SLC8A1: variants seen among roughly 807,000 people sequenced by gnomAD.
SLC8A1 encodes solute carrier family 8 member A1, also known as sodium/calcium exchanger 1.
A neutral mutation model predicts 68.3 loss-of-function variants in SLC8A1; 18 were observed. The ratio of observed to expected loss-of-function variants is 0.26; its 90% CI spans 0.18 to 0.39. The LOEUF is 0.39. Ranked by LOEUF, SLC8A1 falls within the 10% of genes least tolerant of loss-of-function variation. The pLI is 1.00. For missense variants in SLC8A1, 985 were observed against 1,156.7 expected, an observed-to-expected ratio of 0.85 and a Z score of 2.15; for synonymous variants, 475 against 415.5, an observed-to-expected ratio of 1.14 and a Z score of -1.74.
intron 2 of SLC8A1, among the ~76,000 whole-genome samples, chr2:40,221,010 T>G (rs11891508): frequency 0.12 from 18,461 of 152,064 alleles, 1,218 homozygotes; most frequent in Non-Finnish European, 0.13. Context: ...GAGGGACTTC[T>G]CCCTAACTCA....
chr2:40,342,711 C>T (rs1007793430), intron 2 of SLC8A1, among the ~76,000 whole-genome samples: 26 of 152,122 alleles, frequency 1.7e-4, no homozygotes, highest in Admixed American at 9.2e-4. Flanking sequence ...TTGTATTCAA[C>T]GATACTAAAG....
intron 2 of SLC8A1, among the ~76,000 whole-genome samples, chr2:40,199,696 A>G (rs2053763509): frequency 6.6e-6 from 1 of 151,786 alleles, no homozygotes; most frequent in African/African-American, 2.4e-5. Flanking sequence ...CCTCATTTAG[A>G]AAAACACAAT....
intron 2 of SLC8A1, among the ~76,000 whole-genome samples, chr2:40,382,606 AT>A (rs1349273779): frequency 2.6e-5 from 4 of 152,122 alleles, no homozygotes; most frequent in African/African-American, 9.7e-5. Context: ...GAAGACAATT[AT>A]AAAAGACTGG....
intron 2 of SLC8A1, among the ~76,000 whole-genome samples, chr2:40,307,723 T>A (rs1005785873): frequency 1.3e-5 from 2 of 152,154 alleles, no homozygotes. Flanking sequence ...ACACACTTTG[T>A]TCACAGACAG....
chr2:40,430,115 T>C, exon 2 of SLC8A1: 1 of 1,613,812 alleles, frequency 6.2e-7, no homozygotes, highest in Non-Finnish European at 8.5e-7. Flanking sequence ...ACCCCTTTCT[T>C]ACAGTAATAT....
At chr2:40,490,510 G>A (rs1215905133) in intron 1 of SLC8A1, among the ~76,000 whole-genome samples, 1 of 152,024 alleles carries the variant, frequency 6.6e-6, no homozygotes, top group African/African-American at 2.4e-5. Flanking sequence ...ATTTCAATAA[G>A]TTTCGAGGAA....
intron 2 of SLC8A1, among the ~76,000 whole-genome samples, chr2:40,396,079 A>T (rs1276535330): frequency 6.6e-6 from 1 of 152,148 alleles, no homozygotes; most frequent in Non-Finnish European, 1.5e-5. Flanking sequence ...ACTTCCTGAA[A>T]ACTTGAATGT....
At chr2:40,212,149 T>A (rs1300774489) in intron 2 of SLC8A1, among the ~76,000 whole-genome samples, 1 of 152,094 alleles carries the variant, frequency 6.6e-6, no homozygotes, top group African/African-American at 2.4e-5. Flanking sequence ...GATTTCAATA[T>A]GGCCCAGAGA....
chr2:40,236,094 G>A (rs2060328865), intron 2 of SLC8A1, among the ~76,000 whole-genome samples: 1 of 152,128 alleles, frequency 6.6e-6, no homozygotes, highest in African/African-American at 2.4e-5. Context: ...GGGGTGGACA[G>A]TTCTGTAGAT....
At chr2:40,493,308 A>G (rs1705446525) in intron 1 of SLC8A1, among the ~76,000 whole-genome samples, 1 of 129,728 alleles carries the variant, frequency 7.7e-6, no homozygotes, top group Non-Finnish European at 1.6e-5. Context: ...GAACACATGG[A>G]CACAGGAAGG....
chr2:40,349,593 A>G (rs1670421305), intron 2 of SLC8A1, among the ~76,000 whole-genome samples: 1 of 152,120 alleles, frequency 6.6e-6, no homozygotes, highest in Admixed American at 6.6e-5. Flanking sequence ...TCACAGGGTT[A>G]TTGTGAGGCT....
chr2:40,299,311 G>C (rs982976286), intron 2 of SLC8A1, among the ~76,000 whole-genome samples: 3 of 152,162 alleles, frequency 2.0e-5, no homozygotes, highest in African/African-American at 7.2e-5. Context: ...TAAGTGATCT[G>C]CCTGCATTCT....
At chr2:40,287,582 A>ATGTGTGTGTGTGGGTG (rs1553475922) in intron 2 of SLC8A1, among the ~76,000 whole-genome samples, 4 of 127,576 alleles carry the variant, frequency 3.1e-5, no homozygotes, top group African/African-American at 1.2e-4. Flanking sequence ...CAGAGGAATG[A>ATGTGTGTGTGTGGGTG]TGTGTGTGTG....
At chr2:40,239,893 C>T (rs1272410048) in intron 2 of SLC8A1, among the ~76,000 whole-genome samples, 2 of 152,136 alleles carry the variant, frequency 1.3e-5, no homozygotes, top group Non-Finnish European at 2.9e-5. Context: ...CTTCTTTTAC[C>T]CATGGAAACC....
intron 2 of SLC8A1, among the ~76,000 whole-genome samples, chr2:40,282,228 C>T (rs2067632578): frequency 6.6e-6 from 1 of 152,092 alleles, no homozygotes; most frequent in South Asian, 2.1e-4. Flanking sequence ...GAAAAACATT[C>T]TGTAAATCCT....
intron 2 of SLC8A1, among the ~76,000 whole-genome samples, chr2:40,273,260 T>A (rs935459372): frequency 6.6e-6 from 1 of 151,874 alleles, no homozygotes; most frequent in Non-Finnish European, 1.5e-5. Context: ...CTCTTTTTTT[T>A]TTTTGTATTT....
At chr2:40,401,864 T>C (rs1388540053) in intron 2 of SLC8A1, among the ~76,000 whole-genome samples, 2 of 152,202 alleles carry the variant, frequency 1.3e-5, no homozygotes, top group African/African-American at 2.4e-5. Context: ...TTATGGGTCA[T>C]GTGTCTAAGT....
chr2:40,484,761 TAA>T (rs758565853), intron 1 of SLC8A1, among the ~76,000 whole-genome samples: 8 of 152,196 alleles, frequency 5.3e-5, no homozygotes, highest in Non-Finnish European at 1.0e-4. Context: ...AAGGATGCGA[TAA>T]GTGCTTCTTT....
intron 1 of SLC8A1, among the ~76,000 whole-genome samples, chr2:40,489,111 A>G (rs1242354339): frequency 6.6e-6 from 1 of 152,120 alleles, no homozygotes; most frequent in South Asian, 2.1e-4. Flanking sequence ...TGTTGCATCA[A>G]CCCAAGGAGG....
Sources: allele counts gnomAD v4.1 joint callset (sites outside exome capture counted in the v4.1 genomes callset), GRCh38; gene constraint gnomAD v4.1.1; transcripts MANE v1.5; gene names NCBI Gene and HGNC (gene_info 2026-07-23, HGNC 2026-07-21).